Variants in DOCK5 observed in about 807,000 individuals in gnomAD.
DOCK5 encodes the protein dedicator of cytokinesis 5.
DOCK5 carries 142 observed loss-of-function variants against 251.8 expected under a neutral mutation model. The observed-to-expected ratio is 0.56, with a 90% CI of 0.49 to 0.65. DOCK5 has a LOEUF of 0.65. Ranked by LOEUF, DOCK5 falls within the 30% of genes least tolerant of loss-of-function variation. The pLI, the probability that DOCK5 is intolerant of heterozygous loss-of-function variation, is 0.00. For synonymous variants in DOCK5, 842 were observed against 835.5 expected (o/e 1.01, Z -0.13); for missense variants, 2,111 against 2,312.3 (o/e 0.91, Z 1.79).
rs550367697 is a variant in DOCK5, at chr8:25,404,180, T to C, written c.5093+456T>C. ...TCTTGGTAGCCCCATGGCAGCTCTTTATAGGTTCACAAGCATTGCGTAATT... is the reference window on the plus strand; with the variant it reads ...TCTTGGTAGCCCCATGGCAGCTCTTCATAGGTTCACAAGCATTGCGTAATT... On this transcript the variant is annotated intron_variant, in intron 48 of 51. Transcript: ENST00000276440. Among the ~76,000 whole-genome samples the C allele has an allele frequency of 1.0e-3, 153 of 152,326 alleles. 2 individuals carry two copies. In the South Asian group the frequency reaches 0.032, roughly 31 times the overall value.
intron 18 of DOCK5, among the ~76,000 whole-genome samples, chr8:25,327,264 T>C (rs1344147997): frequency 2.0e-5 from 3 of 152,262 alleles, no homozygotes; most frequent in Non-Finnish European, 4.4e-5. Flanking sequence ...TTGATAATTC[T>C]TGTTTTCTTT....
intron 3 of DOCK5, among the ~76,000 whole-genome samples, 167 bp from the exon 4 acceptor site, chr8:25,275,219 T>A (rs4478580): frequency 0.58 from 87,480 of 152,092 alleles, 27,050 homozygotes; most frequent in Non-Finnish European, 0.7. Flanking sequence ...CACCATGCTT[T>A]TGTGGAGGTA....
At chr8:25,336,498 A>C in intron 22 of DOCK5, 125 bp downstream of exon 22, 3 of 1,256,794 alleles carry the variant, frequency 2.4e-6, no homozygotes, top group Non-Finnish European at 3.3e-6. Context: ...TTATTTCAGA[A>C]CTGCAGGGCT....
intron 38 of DOCK5, among the ~76,000 whole-genome samples, chr8:25,378,752 A>C (rs909061866): frequency 2.0e-5 from 3 of 152,234 alleles, no homozygotes; most frequent in African/African-American, 7.2e-5. Context: ...TAGGGAAATC[A>C]GTGCCCTGCA....
rs1805365779 is a variant in DOCK5 at position 25,319,633 on chromosome 8, T to G, written c.1499T>G (p.Val500Gly). The change falls in exon 15 of 52, where the codon GTC becomes GGC. Residue 500 changes from valine to glycine, a missense_variant. This residue lies in a region of DOCK5 where 1,717 missense variants were observed against 1,892.4 expected (regional missense o/e 0.91). Coordinates refer to ENST00000276440, the MANE Select transcript of DOCK5 (RefSeq NM_024940.8). ...GGCATTTCAGAATACAAATCAGTAGTCTATTACCAAGTCAAGCAGCCCTGT... is the reference window on the plus strand; with the variant it reads ...GGCATTTCAGAATACAAATCAGTAGGCTATTACCAAGTCAAGCAGCCCTGT... ...YEGISEYKSV[V>G]YYQVKQPCWY... The G allele has an allele frequency of 1.3e-6, 2 of 1,591,698 alleles. No individual in the cohort carries two copies. Among genetic ancestry groups the G allele is most frequent in the Non-Finnish European group, 8.6e-7 (1 of 1,168,942 alleles).
At chr8:25,364,557 T>G in intron 29 of DOCK5, 69 bp from the exon 30 acceptor site, 1 of 1,191,188 alleles carries the variant, frequency 8.4e-7, no homozygotes, top group South Asian at 1.3e-5. Flanking sequence ...GTTTAGTTCT[T>G]AATATAGGTG....
chr8:25,325,602 C>T, intron 18 of DOCK5, 55 bp downstream of exon 18: 1 of 1,590,556 alleles, frequency 6.3e-7, no homozygotes, highest in Non-Finnish European at 8.6e-7. Flanking sequence ...CCTTTCTGGG[C>T]TCCTTGGTTA....
chr8:25,257,969 G>A (rs993255861), intron 2 of DOCK5, among the ~76,000 whole-genome samples: 1 of 152,072 alleles, frequency 6.6e-6, no homozygotes, highest in Non-Finnish European at 1.5e-5. Context: ...TAGCAAGAAG[G>A]ACTAACCGCT....
At chr8:25,309,946 T>G (rs1381569807) in intron 12 of DOCK5, among the ~76,000 whole-genome samples, 2 of 152,212 alleles carry the variant, frequency 1.3e-5, no homozygotes, top group Non-Finnish European at 2.9e-5. Flanking sequence ...GGGAATTTAA[T>G]GAAAATACAA....
At chr8:25,339,353 G>A (rs983385179) in intron 22 of DOCK5, among the ~76,000 whole-genome samples, 3 of 152,084 alleles carry the variant, frequency 2.0e-5, no homozygotes, top group Admixed American at 2.0e-4. Context: ...AAAAAATCAA[G>A]TCACATACGT....
In DOCK5 at chr8:25,351,775, G is replaced by A. The variant is rs1408564432; in HGVS notation, c.2799G>A (p.Leu933=). The change falls in exon 27 of 52, where the codon CTG becomes CTA. Residue 933 remains leucine (L), a synonymous_variant. Transcript: ENST00000276440. ...TTCAGCTTATAATGGAACGGCTGCT[G>A]AGAAGGATCAACCGGACAGTGATTG... ...VHIQLIMERL[L]RRINRTVIGM... 1 of 1,613,918 alleles carries A rather than the reference G, an allele frequency of 6.2e-7. No individual in the cohort carries two copies.
chr8:25,382,857 T>C, intron 40 of DOCK5, 79 bp downstream of exon 40: 1 of 1,166,768 alleles, frequency 8.6e-7, no homozygotes, highest in Non-Finnish European at 1.2e-6. Flanking sequence ...GGCAACAGGG[T>C]GTTAGCAGCT....
intron 1 of DOCK5, among the ~76,000 whole-genome samples, chr8:25,242,194 G>A (rs1802972283): frequency 6.6e-6 from 1 of 152,034 alleles, no homozygotes; most frequent in African/African-American, 2.4e-5. Flanking sequence ...TTGCCTTACA[G>A]GGTAAGATAC....
chr8:25,379,122 G>C (rs13265171), intron 38 of DOCK5, among the ~76,000 whole-genome samples: 28,903 of 152,198 alleles, frequency 0.19, 3,198 homozygotes, highest in African/African-American at 0.3. Context: ...TCTATGTTCA[G>C]CGGTGCACGT....
chr8:25,404,530 G>A (rs1220933513), intron 48 of DOCK5, among the ~76,000 whole-genome samples: 4 of 152,126 alleles, frequency 2.6e-5, no homozygotes, highest in Admixed American at 6.5e-5. Flanking sequence ...TCCTTTGAGC[G>A]TCATGTCAGC....
In DOCK5 at chr8:25,391,923, G is replaced by T; in HGVS notation, c.4383G>T (p.Gln1461His). 2 of 1,613,928 alleles carry T rather than the reference G, an allele frequency of 1.2e-6. No homozygotes were observed. Among genetic ancestry groups the T allele is most frequent in the South Asian group, 2.2e-5 (2 of 91,050 alleles). Residue 1461 changes from glutamine to histidine, a missense_variant, in exon 43 of 52, where the codon CAG becomes CAT. Around this residue, in one of 3 missense-constraint regions of DOCK5, gnomAD observed 1,717 missense variants for 1,892.4 expected, o/e 0.91. Transcript: ENST00000276440. Reference protein sequence around the residue: ...LNYYRANEVQQFRYSRPFRKG... With the variant: ...LNYYRANEVQHFRYSRPFRKG... ...ACTACAGAGCCAATGAAGTGCAGCAGTTCAGATACTCCCGGCCGTTCCGGA... is the reference window on the plus strand; with the variant it reads ...ACTACAGAGCCAATGAAGTGCAGCATTTCAGATACTCCCGGCCGTTCCGGA...
chr8:25,256,831 C>T (rs1458286079), intron 2 of DOCK5, among the ~76,000 whole-genome samples: 5 of 151,384 alleles, frequency 3.3e-5, no homozygotes, highest in Non-Finnish European at 5.9e-5. Flanking sequence ...TGCCATGTTT[C>T]TCGATTATTC....
chr8:25,292,058 A>G lies in DOCK5; in HGVS notation c.356A>G (p.Gln119Arg). 1 of 1,603,378 alleles carries G rather than the reference A, an allele frequency of 6.2e-7. No homozygotes were observed. Among genetic ancestry groups the G allele is most frequent in the South Asian group, 1.1e-5 (1 of 88,874 alleles). The part of the protein sequence containing the change: ...NKLTLFRQLQ[Q>R]MTYSLIEWRS... ...CTCACCCTCTTCCGCCAGCTGCAGC[A>G]GATGACGTACAGCCTGATCGAGTGG... Residue 119 changes from glutamine to arginine, a missense_variant, in exon 6 of 52, where the codon CAG (glutamine) becomes CGG (arginine). This residue lies in a region of DOCK5 where 335 missense variants were observed against 324.9 expected (regional missense o/e 1.03). Transcript: ENST00000276440.
At chr8:25,214,183 A>G (rs1254704850) in intron 1 of DOCK5, among the ~76,000 whole-genome samples, 2 of 152,184 alleles carry the variant, frequency 1.3e-5, no homozygotes, top group East Asian at 3.9e-4. Flanking sequence ...TTTGGAGTTC[A>G]GGTTTCTGGA....
Sources: gnomAD v4.1 joint callset for allele counts (sites outside exome capture counted in the v4.1 genomes callset) on GRCh38, gnomAD v4.1.1 for gene constraint, gnomAD v4.1.1 regional missense constraint, MANE v1.5 for transcripts, NCBI Gene and HGNC (gene_info 2026-07-23, HGNC 2026-07-21) for gene names.